Variants in UGGT2 observed in about 807,000 individuals in gnomAD.
The protein encoded by UGGT2 is UDP-glucose:glycoprotein glucosyltransferase 2.
UGGT2 carries 180 observed loss-of-function variants against 192.1 expected under a neutral mutation model. That is an observed-to-expected ratio of 0.94 (90% CI 0.83 to 1.06). The LOEUF is 1.06. UGGT2 is among the 50% of genes least tolerant of loss of function. UGGT2 has a pLI of 0.00. For missense variants in UGGT2, 1,849 were observed against 1,795.7 expected (o/e 1.03, Z -0.54); for synonymous variants, 580 against 591.0 (o/e 0.98, Z 0.27).
intron 20 of UGGT2, among the ~76,000 whole-genome samples, chr13:95,903,618 A>G (rs1336305147): frequency 6.8e-6 from 1 of 147,550 alleles, no homozygotes; most frequent in Non-Finnish European, 1.5e-5. Context: ...CCACTCAATA[A>G]TGTGAGATTT....
chr13:95,929,424 T>C (rs1218906826), intron 17 of UGGT2, among the ~76,000 whole-genome samples: 1 of 152,116 alleles, frequency 6.6e-6, no homozygotes, highest in Non-Finnish European at 1.5e-5. Context: ...ACCAGATAGT[T>C]TTCCAACCCT....
chr13:95,937,350 C>T (rs187785665), intron 16 of UGGT2, among the ~76,000 whole-genome samples: 3 of 152,288 alleles, frequency 2.0e-5, no homozygotes, highest in Non-Finnish European at 4.4e-5. Context: ...ACTCCACTCT[C>T]GTTACAGCAC....
chr13:95,826,806 C>A (rs116139135), intron 38 of UGGT2, among the ~76,000 whole-genome samples: 52,629 of 151,282 alleles, frequency 0.35, 9,568 homozygotes, highest in Non-Finnish European at 0.41. Context: ...CCCACACAGC[C>A]CCCCAAGAAA....
intron 4 of UGGT2, among the ~76,000 whole-genome samples, chr13:96,020,984 A>C (rs1047562879): frequency 1.4e-4 from 21 of 152,342 alleles, no homozygotes; most frequent in African/African-American, 5.1e-4. Context: ...TTGCCCCCAA[A>C]GTCCCACAGG....
chr13:95,874,743 G>A (rs777923499), intron 29 of UGGT2, among the ~76,000 whole-genome samples: 7 of 151,768 alleles, frequency 4.6e-5, no homozygotes, highest in African/African-American at 1.7e-4. Context: ...CCAGCCTGGA[G>A]TGCAGTGGCA....
chr13:95,822,174 T>G (rs1044054502), intron 38 of UGGT2, among the ~76,000 whole-genome samples: 3 of 152,166 alleles, frequency 2.0e-5, no homozygotes, highest in African/African-American at 4.8e-5. Context: ...TTTCACAATA[T>G]TGATTATTTC....
At chr13:96,043,525 T>C (rs576372518) in intron 1 of UGGT2, among the ~76,000 whole-genome samples, 1 of 152,262 alleles carries the variant, frequency 6.6e-6, no homozygotes, top group East Asian at 1.9e-4. Context: ...ATCTCAATAC[T>C]AACATTGAAT....
At chr13:95,977,164 C>T (rs976578500) in intron 10 of UGGT2, among the ~76,000 whole-genome samples, 3 of 152,038 alleles carry the variant, frequency 2.0e-5, no homozygotes, top group Admixed American at 2.0e-4. Flanking sequence ...ACTAAAATAC[C>T]AAAAAGCAAT....
At chr13:95,889,164 G>A (rs1329940602) in intron 25 of UGGT2, among the ~76,000 whole-genome samples, 1 of 129,860 alleles carries the variant, frequency 7.7e-6, no homozygotes, top group African/African-American at 2.7e-5. Flanking sequence ...CATAGGAATA[G>A]GGATTTTGCA....
intron 12 of UGGT2, among the ~76,000 whole-genome samples, chr13:95,960,824 G>C (rs528962636): frequency 6.6e-6 from 1 of 152,146 alleles, no homozygotes; most frequent in African/African-American, 2.4e-5. Flanking sequence ...ACACCCATCA[G>C]ATTAACAGCA....
At chr13:96,023,874 T>C (rs2052588647) in intron 2 of UGGT2, 115 bp from the exon 3 acceptor site, 1 of 818,384 alleles carries the variant, frequency 1.2e-6, no homozygotes, top group Non-Finnish European at 1.7e-6. Context: ...AGTTTGGTTA[T>C]GGATAATGCT....
chr13:96,038,888 T>A (rs1182957561), intron 1 of UGGT2, among the ~76,000 whole-genome samples: 1 of 152,174 alleles, frequency 6.6e-6, no homozygotes, highest in African/African-American at 2.4e-5. Flanking sequence ...AATTTTATCA[T>A]CTAAATCATG....
At chr13:95,930,434 GT>G (rs2049210902) in intron 17 of UGGT2, among the ~76,000 whole-genome samples, 1 of 151,196 alleles carries the variant, frequency 6.6e-6, no homozygotes, top group Admixed American at 6.6e-5. Flanking sequence ...ATCTTGTTAA[GT>G]TTTGAACGTG....
intron 19 of UGGT2, 58 bp downstream of exon 19, chr13:95,926,970 T>G: frequency 6.9e-7 from 1 of 1,448,732 alleles, no homozygotes; most frequent in Non-Finnish European, 9.3e-7. Context: ...AACTGCCTTA[T>G]GAACATTACA....
intron 38 of UGGT2, among the ~76,000 whole-genome samples, chr13:95,814,371 G>C (rs748471194): frequency 2.0e-5 from 3 of 152,206 alleles, no homozygotes; most frequent in Non-Finnish European, 4.4e-5. Flanking sequence ...AGTGTACTTG[G>C]ATGTGGGACA....
At chr13:95,844,465 A>G (rs1303809972) in intron 36 of UGGT2, among the ~76,000 whole-genome samples, 1 of 152,212 alleles carries the variant, frequency 6.6e-6, no homozygotes, top group East Asian at 1.9e-4. Flanking sequence ...ATATCTCTCT[A>G]AATATTCAGC....
At chr13:96,003,578 TAAGAGGTATTGC>T (rs2051875569) in intron 5 of UGGT2, among the ~76,000 whole-genome samples, 2 of 152,130 alleles carry the variant, frequency 1.3e-5, no homozygotes, top group African/African-American at 4.8e-5. Context: ...GCATAGGGCT[TAAGAGGTATTGC>T]AAGTTCTACT....
At chr13:96,009,669 A>T (rs928307177) in intron 5 of UGGT2, among the ~76,000 whole-genome samples, 1 of 152,048 alleles carries the variant, frequency 6.6e-6, no homozygotes, top group African/African-American at 2.4e-5. Flanking sequence ...TTAGCCGGGC[A>T]TGTTGGTGGA....
intron 17 of UGGT2, among the ~76,000 whole-genome samples, chr13:95,931,416 C>T (rs1047435682): frequency 6.6e-6 from 1 of 152,186 alleles, no homozygotes; most frequent in East Asian, 1.9e-4. Flanking sequence ...GAGCTGCCCG[C>T]CACTCCCGCA....
Sources: allele counts gnomAD v4.1 joint callset (sites outside exome capture counted in the v4.1 genomes callset), GRCh38; gene constraint gnomAD v4.1.1; transcripts MANE v1.5; gene names NCBI Gene and HGNC (gene_info 2026-07-23, HGNC 2026-07-21).